Variants in BMP6 observed in about 807,000 individuals in gnomAD.
BMP6 encodes the protein bone morphogenetic protein 6, also known as VG-1-R.
A neutral mutation model predicts 54.1 loss-of-function variants in BMP6; 17 were observed. The ratio of observed to expected loss-of-function variants is 0.31; its 90% CI spans 0.22 to 0.47. BMP6 has a LOEUF of 0.47. BMP6 is among the 20% of genes least tolerant of loss of function. The pLI is 1.00. For missense variants in BMP6, 720 were observed against 690.4 expected, an observed-to-expected ratio of 1.04 and a Z score of -0.48; for synonymous variants, 328 against 291.2, an observed-to-expected ratio of 1.13 and a Z score of -1.28.
At chr6:7,810,708 C>CA (rs1285396689) in intron 1 of BMP6, among the ~76,000 whole-genome samples, 2 of 152,188 alleles carry the variant, frequency 1.3e-5, no homozygotes, top group African/African-American at 2.4e-5. Flanking sequence ...TAATTGCATT[C>CA]ATTGTATTTT....
chr6:7,766,857 A>G (rs1026686793), intron 1 of BMP6, among the ~76,000 whole-genome samples: 2 of 152,208 alleles, frequency 1.3e-5, no homozygotes, highest in African/African-American at 2.4e-5. Context: ...AAGTCAAACA[A>G]AATCAAAAAG....
intron 1 of BMP6, among the ~76,000 whole-genome samples, chr6:7,812,566 C>T (rs1049149995): frequency 6.6e-6 from 1 of 152,130 alleles, no homozygotes; most frequent in African/African-American, 2.4e-5. Flanking sequence ...TTTTCAGACA[C>T]ATGTCAAAAT....
chr6:7,810,937 G>A (rs767264665), intron 1 of BMP6, among the ~76,000 whole-genome samples: 13 of 152,104 alleles, frequency 8.5e-5, no homozygotes, highest in Non-Finnish European at 1.5e-4. Context: ...TTCAAACCCC[G>A]CCACAGCCAT....
intron 4 of BMP6, 110 bp from the exon 5 acceptor site, chr6:7,878,964 C>T (rs1232965476): frequency 9.4e-7 from 1 of 1,065,114 alleles, no homozygotes; most frequent in Admixed American, 1.8e-5. Flanking sequence ...ATCTAGGAGG[C>T]TATCCTGAGC....
chr6:7,782,628 G>A (rs1231909339), intron 1 of BMP6, among the ~76,000 whole-genome samples: 7 of 152,100 alleles, frequency 4.6e-5, no homozygotes, highest in Non-Finnish European at 7.4e-5. Flanking sequence ...TGCTTGAACC[G>A]GGAGGCAGAG....
rs566708496 is a variant in BMP6, at chr6:7,879,241, T to G, written c.1281+91T>G. ...CAGCCATTACCAAACACCCAGAGCT[T>G]GATTGAAGGCTGAGCTGCTTCCTTC... On this transcript the variant is annotated intron_variant, in intron 5 of 6. Coordinates refer to ENST00000283147, the MANE Select transcript of BMP6 (RefSeq NM_001718.6). The G allele has an allele frequency of 2.9e-4, 384 of 1,335,092 alleles. 1 individual carries two copies. Among genetic ancestry groups the G allele is most frequent in the Non-Finnish European group, 3.7e-4 (345 of 932,014 alleles). The allele number at this position is 1,335,092 out of a possible 1,614,324, so 82.7% of individuals were successfully genotyped here.
chr6:7,767,800 C>T (rs1757714320), intron 1 of BMP6, among the ~76,000 whole-genome samples: 1 of 151,994 alleles, frequency 6.6e-6, no homozygotes, highest in Admixed American at 6.6e-5. Flanking sequence ...TCTTAGTGTG[C>T]CTTGTAATTT....
intron 1 of BMP6, among the ~76,000 whole-genome samples, chr6:7,838,523 G>A (rs1264666974): frequency 6.6e-6 from 1 of 152,182 alleles, no homozygotes; most frequent in African/African-American, 2.4e-5. Flanking sequence ...TTTGCAATGT[G>A]TCTCTTCTTT....
chr6:7,868,748 G>GT (rs1204679962), intron 4 of BMP6, among the ~76,000 whole-genome samples: 1 of 152,274 alleles, frequency 6.6e-6, no homozygotes, highest in Non-Finnish European at 1.5e-5. Flanking sequence ...TCTTGGCTCT[G>GT]TGTGACCTGC....
At chr6:7,766,521 G>A (rs1757691119) in intron 1 of BMP6, among the ~76,000 whole-genome samples, 1 of 152,178 alleles carries the variant, frequency 6.6e-6, no homozygotes, top group Non-Finnish European at 1.5e-5. Flanking sequence ...GGGAGGCTGA[G>A]GCAGGAGAAT....
intron 4 of BMP6, among the ~76,000 whole-genome samples, chr6:7,864,957 G>A (rs1342115294): frequency 6.6e-6 from 1 of 152,194 alleles, no homozygotes; most frequent in Non-Finnish European, 1.5e-5. Context: ...CCAATGGTAG[G>A]CTTCAATTTA....
Position 7,817,040 on chromosome 6 carries a change from C to G in BMP6, c.665-28100C>G, listed in dbSNP as rs537884881. Among the ~76,000 whole-genome samples the G allele has an allele frequency of 3.3e-5, 5 of 152,306 alleles. No individual in the cohort carries two copies. The East Asian group carries it at 7.7e-4, about 24-fold the overall frequency. On this transcript the variant is annotated intron_variant, in intron 1 of 6. Coordinates refer to ENST00000283147, the MANE Select transcript of BMP6 (RefSeq NM_001718.6). Reference sequence around the variant, plus strand: ...AACAAAGGCAAACAAAGATACACGTCCTCACCTTCTCATCACCAGTCCACT... The same window carrying G: ...AACAAAGGCAAACAAAGATACACGTGCTCACCTTCTCATCACCAGTCCACT...
intron 2 of BMP6, among the ~76,000 whole-genome samples, chr6:7,848,225 C>T (rs901914758): frequency 2.6e-5 from 4 of 152,208 alleles, no homozygotes; most frequent in African/African-American, 9.6e-5. Context: ...TAGGCATAAA[C>T]AGTGACTTGC....
chr6:7,832,679 A>T (rs1197967339), intron 1 of BMP6, among the ~76,000 whole-genome samples: 1 of 150,970 alleles, frequency 6.6e-6, no homozygotes, highest in Non-Finnish European at 1.5e-5. Flanking sequence ...GCACCAAAGC[A>T]TTAATAATTA....
intron 1 of BMP6, among the ~76,000 whole-genome samples, chr6:7,793,451 G>A (rs1311206541): frequency 6.6e-6 from 1 of 152,170 alleles, no homozygotes; most frequent in Non-Finnish European, 1.5e-5. Flanking sequence ...GTAGATGCAT[G>A]TCATTATACG....
At chr6:7,864,191 G>C (rs981170039) in intron 4 of BMP6, among the ~76,000 whole-genome samples, 1 of 152,086 alleles carries the variant, frequency 6.6e-6, no homozygotes, top group Non-Finnish European at 1.5e-5. Context: ...GCAAATTCTG[G>C]GGTCCTTTGG....
intron 1 of BMP6, among the ~76,000 whole-genome samples, chr6:7,825,134 T>C (rs531059624): frequency 3.3e-5 from 5 of 152,282 alleles, no homozygotes; most frequent in South Asian, 4.1e-4. Context: ...CTCGGCAACA[T>C]TGTGAGACCC....
At chr6:7,819,127 C>G (rs1190988593) in intron 1 of BMP6, among the ~76,000 whole-genome samples, 1 of 152,140 alleles carries the variant, frequency 6.6e-6, no homozygotes, top group Non-Finnish European at 1.5e-5. Context: ...TGTGTGAGTA[C>G]ATATGTGAGT....
At chr6:7,832,564 A>T (rs999018720) in intron 1 of BMP6, among the ~76,000 whole-genome samples, 1 of 152,082 alleles carries the variant, frequency 6.6e-6, no homozygotes. Context: ...ATGGACTAAG[A>T]CAATTACCCA....
Sources: allele counts gnomAD v4.1 joint callset (sites outside exome capture counted in the v4.1 genomes callset), GRCh38; gene constraint gnomAD v4.1.1; transcripts MANE v1.5; gene names NCBI Gene and HGNC (gene_info 2026-07-23, HGNC 2026-07-21).